The following WNK2 variants were observed in gnomAD, a reference collection of about 807,000 sequenced individuals.
The protein encoded by WNK2 is serine/threonine-protein kinase WNK2.
WNK2 carries 67 observed loss-of-function variants against 192.1 expected under a neutral mutation model. The ratio of observed to expected loss-of-function variants is 0.35; its 90% CI spans 0.29 to 0.43. The LOEUF (loss-of-function observed/expected upper bound fraction) is 0.43. WNK2 is among the 20% of genes least tolerant of loss of function. WNK2 has a pLI of 1.00. For missense variants in WNK2, 2,698 were observed against 3,089.7 expected (o/e 0.87, Z 3.01); for synonymous variants, 1,439 against 1,393.9 (o/e 1.03, Z -0.72).
intron 16 of WNK2, among the ~76,000 whole-genome samples, chr9:93,265,339 TG>T (rs903794988): frequency 5.1e-4 from 77 of 152,114 alleles, no homozygotes; most frequent in African/African-American, 1.8e-3. Flanking sequence ...GGATCCTTGC[TG>T]GGGGTGGGTG....
At chr9:93,235,077 GC>G in intron 5 of WNK2, 112 bp downstream of exon 5, 6 of 1,346,590 alleles carry the variant, frequency 4.5e-6, no homozygotes, top group Non-Finnish European at 6.1e-6. Flanking sequence ...TGTGTAAGGA[GC>G]TTGGCCATTT....
At chr9:93,293,444 C>G (rs1027222515) in intron 23 of WNK2, among the ~76,000 whole-genome samples, 1 of 152,030 alleles carries the variant, frequency 6.6e-6, no homozygotes, top group African/African-American at 2.4e-5. Flanking sequence ...CTCAGCCTCC[C>G]GAGTAGCTGG....
At position 93,299,143 on chromosome 9, in the gene WNK2, C is replaced by T; in HGVS notation, c.5997C>T (p.Asp1999=). 1 of 1,611,952 alleles carries T rather than the reference C, an allele frequency of 6.2e-7. No homozygotes were observed. The highest frequency in any genetic ancestry group is 8.5e-7 in the Non-Finnish European group (1 of 1,179,476). ...AAGCCAGTGTGGGGCTCACTGCAGA[C>T]AGCACGGGCCTGAGCGGGAAGGCAG... is the stretch of plus-strand genomic sequence containing the variant. ...PAQASVGLTA[D]STGLSGKAVQ... is the part of the protein sequence containing the mutation. Residue 1999 remains aspartate, a synonymous_variant, in exon 25 of 30, where the codon GAC becomes GAT. Transcript: ENST00000427277.
intron 4 of WNK2, among the ~76,000 whole-genome samples, chr9:93,233,791 G>A (rs1839331239): frequency 6.6e-6 from 1 of 151,472 alleles, no homozygotes; most frequent in South Asian, 2.1e-4. Context: ...TAGTTAGCTT[G>A]AGCTTTTAAA....
At position 93,250,966 on chromosome 9, in the gene WNK2, A is replaced by G. The variant is rs549870683; in HGVS notation, c.1835-1917A>G. 1.4e-4 allele frequency among the ~76,000 whole-genome samples: 15 copies of G among 109,720 alleles called. No homozygotes were observed. In the South Asian group the frequency reaches 4.4e-3, roughly 32 times the overall value. 72.0% of individuals were successfully genotyped at this position (109,720 alleles called of 152,430 possible). A position where few individuals can be genotyped will look rare whatever the true frequency, so the allele number is the denominator to read the frequency against. On this transcript the variant is annotated intron_variant, in intron 8 of 29. Transcript: ENST00000427277. ...TGCCTTGGCTAATTTTTGTATTTTT[A>G]GTAGAGACGGGGTTTTGCCCTGCTG...
rs1384348322 is a variant in WNK2 at position 93,259,882 on chromosome 9, C to G, written c.3066+268C>G. 6.6e-6 allele frequency among the ~76,000 whole-genome samples: 1 copy of G among 152,250 alleles called. No homozygotes were observed. Among genetic ancestry groups the G allele is most frequent in the Non-Finnish European group, 1.5e-5 (1 of 68,048 alleles). ...CTACCTTCCCATGGCTCTGTGGCCC[C>G]TGCTCTTGTGGTATCTTTGTACCTG... On this transcript the variant is annotated intron_variant, in intron 12 of 29. Coordinates refer to ENST00000427277, the MANE Select transcript of WNK2 (RefSeq NM_006648.4). This position sits in a 1 kb window ranked among gnomAD's most constrained non-coding sequence, Gnocchi z 4.8.
chr9:93,207,268 C>T (rs1010955653), intron 2 of WNK2, among the ~76,000 whole-genome samples: 1 of 152,226 alleles, frequency 6.6e-6, no homozygotes, highest in Non-Finnish European at 1.5e-5. Flanking sequence ...TATCCTTTAC[C>T]TTGTTCTAAA....
In WNK2 at chr9:93,292,536, A is replaced by G; in HGVS notation, c.5071A>G (p.Arg1691Gly). 5 of 1,579,012 alleles carry G rather than the reference A, an allele frequency of 3.2e-6. No homozygotes were observed. The Admixed American group carries it at 8.7e-5, about 28-fold the overall frequency. ...VRPARVEPTD[R>G]DGGEAGESSA... is the part of the protein sequence containing the mutation. ...ACCTGCACGTGTGGAGCCCACAGACAGGGATGGTGGAGAAGCTGGAGAAAG... is the reference window on the plus strand; with the variant it reads ...ACCTGCACGTGTGGAGCCCACAGACGGGGATGGTGGAGAAGCTGGAGAAAG... Residue 1691 changes from arginine to glycine, a missense_variant, in exon 23 of 30, where the codon AGG (arginine) becomes GGG (glycine). Around this residue, in one of 7 missense-constraint regions of WNK2, gnomAD observed 1,098 missense variants for 1,101.0 expected, o/e 1.00. Transcript: ENST00000427277.
At chr9:93,250,782 CTTT>C (rs35468086) in intron 8 of WNK2, among the ~76,000 whole-genome samples, 132 of 118,598 alleles carry the variant, frequency 1.1e-3, no homozygotes, top group Middle Eastern at 5.8e-3. Context: ...AACTCATTCA[CTTT>C]TTTTTTTTTT....
At chr9:93,241,247 A>C (rs927770203) in intron 7 of WNK2, among the ~76,000 whole-genome samples, 2 of 152,256 alleles carry the variant, frequency 1.3e-5, no homozygotes, top group Non-Finnish European at 2.9e-5. Flanking sequence ...GAATGTCTGC[A>C]CCGGAACAGG....
At chr9:93,292,165 C>G (rs973276013) in intron 21 of WNK2, 143 bp from the exon 22 acceptor site, 2 of 769,352 alleles carry the variant, frequency 2.6e-6, no homozygotes, top group South Asian at 3.4e-5. Flanking sequence ...ACACAGCTGG[C>G]TCCTCCCAGT....
At chr9:93,243,582 C>G (rs1479523798) in intron 7 of WNK2, among the ~76,000 whole-genome samples, 1 of 152,218 alleles carries the variant, frequency 6.6e-6, no homozygotes, top group Non-Finnish European at 1.5e-5. Context: ...TAAACAGCAC[C>G]CGCCCCACTC....
chr9:93,238,595 G>A (rs924247575), intron 6 of WNK2, among the ~76,000 whole-genome samples: 4 of 152,226 alleles, frequency 2.6e-5, no homozygotes, highest in African/African-American at 9.6e-5. Context: ...TTTGAGGACA[G>A]TCCTGTCCTT....
intron 2 of WNK2, among the ~76,000 whole-genome samples, chr9:93,199,303 A>G (rs538599115): frequency 5.9e-5 from 9 of 152,132 alleles, no homozygotes; most frequent in African/African-American, 1.7e-4. Context: ...GCTTCCCCCA[A>G]TGTCAAGGAT....
At chr9:93,308,708 A>G (rs1379042160) in intron 28 of WNK2, 124 bp downstream of exon 28, 2 of 1,371,950 alleles carry the variant, frequency 1.5e-6, no homozygotes, top group Admixed American at 2.6e-5. Flanking sequence ...ATCCAAGTTC[A>G]TTCTCCCCAC....
intron 28 of WNK2, chr9:93,308,984 C>G: frequency 1.9e-6 from 2 of 1,030,756 alleles, no homozygotes; most frequent in Non-Finnish European, 2.3e-6. Flanking sequence ...GCATGTCACC[C>G]AAGTGACACC....
chr9:93,267,590 C>A (rs778190440), intron 16 of WNK2, among the ~76,000 whole-genome samples, 156 bp from the exon 17 acceptor site: 8 of 152,216 alleles, frequency 5.3e-5, no homozygotes, highest in Non-Finnish European at 1.0e-4. Context: ...ATCCATGTCA[C>A]TTGCTGAGCT....
At chr9:93,309,252 T>C (rs1853202470) in intron 28 of WNK2, 2 of 452,372 alleles carry the variant, frequency 4.4e-6, no homozygotes, top group Non-Finnish European at 5.8e-6. Context: ...TCCTCTATGA[T>C]CTTTAACCTT....
chr9:93,259,299 A>G lies in WNK2; in HGVS notation c.2751A>G (p.Pro917=). ...PGQPVYPAAF[P]QMAPTDVPPS... The stretch of plus-strand genomic sequence containing the variant: ...AACCTGTGTACCCAGCGGCCTTCCC[A>G]CAGATGGCGCCTACTGACGTCCCTC... The change falls in exon 12 of 30, where the codon CCA becomes CCG. Residue 917 remains proline (P), a synonymous_variant. Transcript: ENST00000427277. The surrounding 1 kb of genome is among the most constrained non-coding windows in gnomAD (Gnocchi z 4.8). 1 of 1,612,790 alleles carries G rather than the reference A, an allele frequency of 6.2e-7. No homozygotes were observed. Among genetic ancestry groups the G allele is most frequent in the South Asian group, 1.1e-5 (1 of 91,026 alleles).
Sources: gnomAD v4.1 joint callset for allele counts (sites outside exome capture counted in the v4.1 genomes callset) on GRCh38, gnomAD v4.1.1 for gene constraint, gnomAD v4.1.1 regional missense constraint, Gnocchi (gnomAD v3.1) non-coding constraint, MANE v1.5 for transcripts, NCBI Gene and HGNC (gene_info 2026-07-23, HGNC 2026-07-21) for gene names.